Variants in DIP2C observed in about 807,000 individuals in gnomAD.
DIP2C encodes the protein DIP2 acetate--CoA ligase C (putative), also known as disco-interacting protein 2 homolog C.
DIP2C carries 33 observed loss-of-function variants against 192.4 expected under a neutral mutation model. The observed-to-expected ratio is 0.17, with a 90% confidence interval of 0.13 to 0.23. The LOEUF is 0.23. Ranked by LOEUF, DIP2C falls within the 10% of genes least tolerant of loss-of-function variation. The pLI is 1.00. For missense variants in DIP2C, 1,537 were observed against 2,110.1 expected, an observed-to-expected ratio of 0.73 and a Z score of 5.32; for synonymous variants, 979 against 864.1, an observed-to-expected ratio of 1.13 and a Z score of -2.33.
chr10:436,974 C>T (rs1967292421), intron 4 of DIP2C, among the ~76,000 whole-genome samples: 2 of 141,654 alleles, frequency 1.4e-5, no homozygotes, highest in South Asian at 4.8e-4. Flanking sequence ...CTCCGAGCTC[C>T]GCCTCCTGGA....
In DIP2C at chr10:419,194, G is replaced by C; in HGVS notation, c.610C>G (p.His204Asp). 5 of 1,614,212 alleles carry C rather than the reference G, an allele frequency of 3.1e-6. No individual in the cohort carries two copies. Among genetic ancestry groups the C allele is most frequent in the Non-Finnish European group, 4.2e-6 (5 of 1,180,040 alleles). ...DVMAQTHIEN[H>D]SAPPDVTTYT... is the part of the protein sequence containing the mutation. Reference sequence around the variant, plus strand: ...GTGGTTACGTCAGGAGGTGCAGAATGATTTTCTGTAAAGAAACACATCATG... The same window carrying C: ...GTGGTTACGTCAGGAGGTGCAGAATCATTTTCTGTAAAGAAACACATCATG... Residue 204 changes from histidine (H) to aspartate (D), a missense_variant, in exon 6 of 37, where the codon CAT (histidine) becomes GAT (aspartate). His to Asp is a moderately conservative substitution (Grantham distance 81, BLOSUM62 -1). Around this residue, in one of 4 missense-constraint regions of DIP2C, gnomAD observed 473 missense variants for 539.6 expected, o/e 0.88. Transcript: ENST00000280886.
chr10:615,361 C>G lies in DIP2C; in HGVS notation c.85+74133G>C, dbSNP rs544487155. ...GCAAGGAGGGCCTGGAAACTCGCAGCCACCCGCATAGGGGCCACGGTGTTT... is the reference window on the plus strand; with the variant it reads ...GCAAGGAGGGCCTGGAAACTCGCAGGCACCCGCATAGGGGCCACGGTGTTT... On this transcript the variant is annotated intron_variant, in intron 1 of 36. Coordinates refer to ENST00000280886, the MANE Select transcript of DIP2C (RefSeq NM_014974.3). 4.2e-3 allele frequency among the ~76,000 whole-genome samples: 647 copies of G among 152,282 alleles called. 2 individuals carry two copies. Among genetic ancestry groups the G allele is most frequent in the Non-Finnish European group, 7.1e-3 (482 of 68,020 alleles).
In DIP2C at chr10:617,660, CCCA is replaced by C. The variant is rs1336313194; in HGVS notation, c.85+71831_85+71833del. Among the ~76,000 whole-genome samples, 97 of 150,740 alleles carry C rather than the reference CCCA, an allele frequency of 6.4e-4. No homozygotes were observed. The Middle Eastern group carries it at 0.01, about 16-fold the overall frequency. On this transcript the variant is annotated intron_variant, in intron 1 of 36. Coordinates refer to ENST00000280886, the MANE Select transcript of DIP2C (RefSeq NM_014974.3). ...TCCAGGCTCCTGTGGATACCACCCC[CCCA>C]CCCCCACCCCTGCTTGGGGCGTCTT...
intron 3 of DIP2C, among the ~76,000 whole-genome samples, chr10:446,199 G>A (rs1968189202): frequency 6.7e-6 from 1 of 149,988 alleles, no homozygotes; most frequent in Admixed American, 6.7e-5. Flanking sequence ...CTTGCACTGG[G>A]CATCTGTATA....
intron 1 of DIP2C, among the ~76,000 whole-genome samples, chr10:525,834 C>G (rs1485690761): frequency 6.6e-6 from 1 of 152,182 alleles, no homozygotes; most frequent in Non-Finnish European, 1.5e-5. Flanking sequence ...GACATGATGG[C>G]CAAGCCTGGA....
intron 2 of DIP2C, among the ~76,000 whole-genome samples, chr10:474,569 G>GTTCA (rs1554872121): frequency 6.6e-6 from 1 of 151,778 alleles, no homozygotes; most frequent in Non-Finnish European, 1.5e-5. Context: ...GGCTGTGGCT[G>GTTCA]CTGTGTTGGT....
intron 1 of DIP2C, among the ~76,000 whole-genome samples, chr10:569,710 A>C (rs559557936): frequency 2.6e-5 from 4 of 152,170 alleles, no homozygotes; most frequent in Non-Finnish European, 5.9e-5. Flanking sequence ...CAGGGTAATA[A>C]TCAGCCATCG....
At chr10:553,976 A>T (rs1564843434) in intron 1 of DIP2C, among the ~76,000 whole-genome samples, 1 of 151,200 alleles carries the variant, frequency 6.6e-6, no homozygotes, top group Non-Finnish European at 1.5e-5. Context: ...ATACGCTTGT[A>T]ACTGTAAGAG....
At chr10:306,395 C>T (rs1021201175) in intron 32 of DIP2C, among the ~76,000 whole-genome samples, 5 of 152,098 alleles carry the variant, frequency 3.3e-5, no homozygotes, top group South Asian at 2.1e-4. Context: ...CTCTGTAGGC[C>T]GTCTTTCTTG....
chr10:287,760 G>A lies in DIP2C; in HGVS notation c.4044+604C>T, dbSNP rs555399938. Among the ~76,000 whole-genome samples, 92 of 149,584 alleles carry A rather than the reference G, an allele frequency of 6.2e-4. 2 individuals carry two copies. Among genetic ancestry groups the A allele is most frequent in the South Asian group, 5.3e-3 (25 of 4,716 alleles). On this transcript the variant is annotated intron_variant, in intron 33 of 36. Coordinates refer to ENST00000280886, the MANE Select transcript of DIP2C (RefSeq NM_014974.3). ...GTAAAAAAACAAAAAAACAAAAACAGAAACAAAAAACACACCCACTGTGGC... is the reference window on the plus strand; with the variant it reads ...GTAAAAAAACAAAAAAACAAAAACAAAAACAAAAAACACACCCACTGTGGC...
chr10:686,916 T>C (rs1457395215), intron 1 of DIP2C, among the ~76,000 whole-genome samples: 1 of 152,260 alleles, frequency 6.6e-6, no homozygotes, highest in East Asian at 1.9e-4. Flanking sequence ...CACAGGAACC[T>C]CAGGGGAATG....
rs1242280061 is a variant in DIP2C, at chr10:525,685, C to A, written c.86-39155G>T. Among the ~76,000 whole-genome samples the A allele has an allele frequency of 3.3e-5, 5 of 152,266 alleles. 1 individual carries two copies. The South Asian group carries it at 1.0e-3, about 32-fold the overall frequency. On this transcript the variant is annotated intron_variant, in intron 1 of 36. Transcript: ENST00000280886. ...GGGTAGGATAACAGGCCTTTGAATG[C>A]TTCGTAGGTGGAGAAAGGAAGACAG...
chr10:347,861 TCGCG>T (rs1564594748), intron 26 of DIP2C, among the ~76,000 whole-genome samples: 2 of 100,216 alleles, frequency 2.0e-5, no homozygotes, highest in Non-Finnish European at 4.2e-5. Context: ...CCCAGACGCG[TCGCG>T]CATAGCTCTC....
At chr10:523,465 G>GACA in intron 1 of DIP2C, among the ~76,000 whole-genome samples, 5 of 116,868 alleles carry the variant, frequency 4.3e-5, no homozygotes, top group Non-Finnish European at 5.3e-5. Context: ...TCTACTGGAT[G>GACA]CAAAGGACCC....
intron 3 of DIP2C, among the ~76,000 whole-genome samples, chr10:469,431 C>T (rs1043922513): frequency 2.6e-5 from 4 of 151,738 alleles, no homozygotes; most frequent in Non-Finnish European, 5.9e-5. Context: ...ATTCTCCCAC[C>T]TCAGCCTCTG....
intron 5 of DIP2C, among the ~76,000 whole-genome samples, chr10:421,070 A>C (rs1966151265): frequency 6.6e-6 from 1 of 152,200 alleles, no homozygotes; most frequent in South Asian, 2.1e-4. Flanking sequence ...TTTCTGATTA[A>C]GTTTCATTAT....
At chr10:334,120 C>G (rs1957632027) in intron 29 of DIP2C, among the ~76,000 whole-genome samples, 1 of 151,966 alleles carries the variant, frequency 6.6e-6, no homozygotes, top group Non-Finnish European at 1.5e-5. Flanking sequence ...GCCTGGCCAA[C>G]ATGGCAAAAC....
At chr10:610,261 C>A (rs1275671376) in intron 1 of DIP2C, among the ~76,000 whole-genome samples, 1 of 152,036 alleles carries the variant, frequency 6.6e-6, no homozygotes, top group Non-Finnish European at 1.5e-5. Context: ...GAGCTGACAG[C>A]AGATGTCATG....
intron 1 of DIP2C, among the ~76,000 whole-genome samples, chr10:644,626 TAC>T (rs1436123894): frequency 6.6e-6 from 1 of 151,300 alleles, no homozygotes; most frequent in African/African-American, 2.4e-5. Context: ...TTCTCAAAAG[TAC>T]ACACAGAGGC....
Sources: allele counts gnomAD v4.1 joint callset (sites outside exome capture counted in the v4.1 genomes callset), GRCh38; gene constraint gnomAD v4.1.1; regional missense constraint gnomAD v4.1.1; transcripts MANE v1.5; gene names NCBI Gene and HGNC (gene_info 2026-07-23, HGNC 2026-07-21).